PRSS50: variants seen among roughly 807,000 people sequenced by gnomAD.
PRSS50 encodes the protein probable threonine protease PRSS50.
Under a neutral mutation model 34.2 loss-of-function variants are expected in PRSS50, and 23 were observed. The observed-to-expected ratio is 0.67, with a 90% CI of 0.48 to 0.95. The LOEUF (loss-of-function observed/expected upper bound fraction) is 0.95. PRSS50 is among the 40% of genes least tolerant of loss of function. The pLI is 0.00. For missense variants in PRSS50, 484 were observed against 513.4 expected (o/e 0.94, Z 0.55); for synonymous variants, 224 against 211.2 (o/e 1.06, Z -0.53).
Position 46,712,203 on chromosome 3 carries a change from A to G in PRSS50, c.*43T>C. ...CAGCTGCACCCACAGCAACCTGGGC[A>G]CGGAGGCAAGGGGGGCCCACAAGTG... On this transcript the variant is annotated 3_prime_UTR_variant, in exon 6 of 6. Transcript: ENST00000315170. The G allele has an allele frequency of 2.0e-6, 3 of 1,519,576 alleles. No homozygotes were observed. Among genetic ancestry groups the G allele is most frequent in the Non-Finnish European group, 2.7e-6 (3 of 1,110,392 alleles). The allele number at this position is 1,519,576 out of a possible 1,614,324, so 94.1% of individuals were successfully genotyped here.
chr3:46,715,628 C>G lies in PRSS50; in HGVS notation c.377G>C (p.Trp126Ser). 1.2e-6 allele frequency: 2 copies of G among 1,612,070 alleles called. No individual in the cohort carries two copies. The highest frequency in any genetic ancestry group is 1.7e-6 in the Non-Finnish European group (2 of 1,179,484). Residue 126 changes from tryptophan (W) to serine (S), a missense_variant, in exon 3 of 6, where the codon TGG becomes TCG. Transcript: ENST00000315170. The surrounding 1 kb of genome is among the most constrained non-coding windows in gnomAD (Gnocchi z 5.2). The stretch of plus-strand genomic sequence containing the variant: ...GCCATTGGCCCGCACGCTGACCATC[C>G]AGGGCCACCGCCGAGCCACGGCTTC... ...DPEAVARRWP[W>S]MVSVRANGTH...
In PRSS50 at chr3:46,717,694, G is replaced by C. The variant is rs748437953; in HGVS notation, c.106+25C>G. On this transcript the variant is annotated intron_variant, in intron 1 of 5. Transcript: ENST00000315170. This position sits in a 1 kb window ranked among gnomAD's most constrained non-coding sequence, Gnocchi z 4.5. ...AAGGCGAGGGCCGCGTCAGGCGGGTGGGGTAGGGATCGGGAGGGACTCACC... is the reference window on the plus strand; with the variant it reads ...AAGGCGAGGGCCGCGTCAGGCGGGTCGGGTAGGGATCGGGAGGGACTCACC... 2 of 1,598,798 alleles carry C rather than the reference G, an allele frequency of 1.3e-6. No homozygotes were observed. Among genetic ancestry groups the C allele is most frequent in the Non-Finnish European group, 1.7e-6 (2 of 1,173,082 alleles).
rs1462182959 is a variant in PRSS50 at position 46,715,513 on chromosome 3, C to T, written c.470+22G>A. On this transcript the variant is annotated intron_variant, in intron 3 of 5. Coordinates refer to ENST00000315170, the MANE Select transcript of PRSS50 (RefSeq NM_013270.5). This position sits in a 1 kb window ranked among gnomAD's most constrained non-coding sequence, Gnocchi z 5.2. ...GCAGCTCCAAATACCTCTCCACCCACCCCACCTCAGCCTTGACTCACCAGA... is the reference window on the plus strand; with the variant it reads ...GCAGCTCCAAATACCTCTCCACCCATCCCACCTCAGCCTTGACTCACCAGA... The T allele has an allele frequency of 9.4e-6, 15 of 1,600,462 alleles. No individual in the cohort carries two copies. Among genetic ancestry groups the T allele is most frequent in the Non-Finnish European group, 1.1e-5 (13 of 1,169,134 alleles).
Position 46,717,623 on chromosome 3 carries a change from C to G in PRSS50, c.121G>C (p.Gly41Arg). 6.2e-7 allele frequency: 1 copy of G among 1,612,982 alleles called. No homozygotes were observed. The highest frequency in any genetic ancestry group is 8.5e-7 in the Non-Finnish European group (1 of 1,179,620). ...LLRSAGCWGA[G>R]EAPGALSTAD... ...GTGGACAGCGCCCCCGGGGCTTCCC[C>G]TGCGCCCCAGCAACCTGCGGAGGAC... The change falls in exon 2 of 6, where the codon GGG becomes CGG. Residue 41 changes from glycine to arginine, a missense_variant. Coordinates refer to ENST00000315170, the MANE Select transcript of PRSS50 (RefSeq NM_013270.5). This position sits in a 1 kb window ranked among gnomAD's most constrained non-coding sequence, Gnocchi z 4.5.
At chr3:46,714,175 T>C (rs1354201619) in intron 4 of PRSS50, 43 bp downstream of exon 4, 2 of 1,591,572 alleles carry the variant, frequency 1.3e-6, no homozygotes, top group African/African-American at 1.3e-5. Flanking sequence ...ACCCACGTCC[T>C]TTCTCACAGC....
chr3:46,714,366 G>A lies in PRSS50; in HGVS notation c.606C>T (p.Gly202=). ...TGAGGAGGCCGATGTCGTTGGCCTG[G>A]CCCACCCAGGACCAGAACCGCTGGG... is the stretch of plus-strand genomic sequence containing the variant. ...YRAQRFWSWV[G]QANDIGLLKL... is the part of the protein sequence containing the mutation. Residue 202 remains glycine, a synonymous_variant, in exon 4 of 6, where the codon GGC becomes GGT. Transcript: ENST00000315170. The A allele has an allele frequency of 1.2e-6, 2 of 1,613,906 alleles. No homozygotes were observed. Among genetic ancestry groups the A allele is most frequent in the Non-Finnish European group, 1.7e-6 (2 of 1,179,972 alleles).
chr3:46,713,050 G>A lies in PRSS50; in HGVS notation c.772C>T (p.Arg258Trp), dbSNP rs770738835. The stretch of plus-strand genomic sequence containing the variant: ...ATGACTTCCTTCTCCTGAATGGTCC[G>A]GAACTGAGGCCACATGCCTGTGGGA... ...SKADGMWPQF[R>W]TIQEKEVIIL... The change falls in exon 5 of 6, where the codon CGG becomes TGG. Residue 258 changes from arginine to tryptophan, a missense_variant. Arg to Trp is a moderately radical substitution (Grantham distance 101, BLOSUM62 -3). Coordinates refer to ENST00000315170, the MANE Select transcript of PRSS50 (RefSeq NM_013270.5). The A allele has an allele frequency of 4.8e-5, 77 of 1,613,926 alleles. No individual in the cohort carries two copies. Among genetic ancestry groups the A allele is most frequent in the Non-Finnish European group, 6.2e-5 (73 of 1,179,966 alleles).
chr3:46,714,105 G>A (rs935403836), intron 4 of PRSS50, 113 bp downstream of exon 4: 15 of 1,363,308 alleles, frequency 1.1e-5, no homozygotes, highest in South Asian at 5.7e-5. Flanking sequence ...TCCCGGGAGC[G>A]GCAGGCTCCC....
At position 46,715,406 on chromosome 3, in the gene PRSS50, C is replaced by T; in HGVS notation, c.470+129G>A. On this transcript the variant is annotated intron_variant, in intron 3 of 5. Transcript: ENST00000315170. This position sits in a 1 kb window ranked among gnomAD's most constrained non-coding sequence, Gnocchi z 5.2. ...GAAGGAATTTTCAGGACTCAGCCTCCACCTGCTTGGAGCCCAGATGAGGCT... is the reference window on the plus strand; with the variant it reads ...GAAGGAATTTTCAGGACTCAGCCTCTACCTGCTTGGAGCCCAGATGAGGCT... The T allele has an allele frequency of 2.4e-6, 3 of 1,252,042 alleles. No homozygotes were observed. The highest frequency in any genetic ancestry group is 5.1e-5 in the East Asian group (2 of 39,408). The allele number at this position is 1,252,042 out of a possible 1,614,324, so 77.6% of individuals were successfully genotyped here. A position where few individuals can be genotyped will look rare whatever the true frequency, so the allele number is the denominator to read the frequency against.
rs757545313 is a variant in PRSS50 at position 46,714,434 on chromosome 3, C to G, written c.538G>C (p.Asp180His). The G allele has an allele frequency of 1.1e-5, 17 of 1,611,358 alleles. No homozygotes were observed. Among genetic ancestry groups the G allele is most frequent in the East Asian group, 2.2e-5 (1 of 44,796 alleles). ...ATGATGACCTGGAGCACCGGGACAT[C>G]GGAGGCGGTCTGCGTCATCTGGTCA... The part of the protein sequence containing the change: ...WIDQMTQTAS[D>H]VPVLQVIMHS... Residue 180 changes from aspartate (D) to histidine (H), a missense_variant, in exon 4 of 6, where the codon GAT becomes CAT. By Grantham distance (81) the Asp-to-His change is moderately conservative (BLOSUM62 -1). Transcript: ENST00000315170.
At chr3:46,712,569 C>T in intron 5 of PRSS50, 87 bp from the exon 6 acceptor site, 4 of 1,219,046 alleles carry the variant, frequency 3.3e-6, no homozygotes, top group Non-Finnish European at 4.8e-6. Context: ...GATGTCCTCA[C>T]ACCACACCTC....
In PRSS50 at chr3:46,715,643, GCCACGGCTTCTGGGT is replaced by G; in HGVS notation, c.347_361del (p.Asp116_Val120del). 1 of 1,612,298 alleles carries G rather than the reference GCCACGGCTTCTGGGT, an allele frequency of 6.2e-7. No individual in the cohort carries two copies. The highest frequency in any genetic ancestry group is 1.7e-5 in the Admixed American group (1 of 59,906). On this transcript the variant is annotated inframe_deletion, in exon 3 of 6. Coordinates refer to ENST00000315170, the MANE Select transcript of PRSS50 (RefSeq NM_013270.5). This position sits in a 1 kb window ranked among gnomAD's most constrained non-coding sequence, Gnocchi z 5.2. The stretch of plus-strand genomic sequence containing the variant: ...GCTGACCATCCAGGGCCACCGCCGA[GCCACGGCTTCTGGGT>G]CCCTGAGGGTGGGGTCCTGCTCGTA...
chr3:46,712,816 C>CAA, intron 5 of PRSS50, 85 bp downstream of exon 5: 1 of 1,491,560 alleles, frequency 6.7e-7, no homozygotes, highest in East Asian at 2.3e-5. Context: ...TTCCCCTACC[C>CAA]AACCTCCACC....
In PRSS50 at chr3:46,712,980, G is replaced by A. The variant is rs150941830; in HGVS notation, c.842C>T (p.Thr281Ile). 3.7e-6 allele frequency: 6 copies of A among 1,614,168 alleles called. No homozygotes were observed. The South Asian group carries it at 5.5e-5, about 15-fold the overall frequency. ...KECDNFYHNF[T>I]KIPTLVQIIK... ...GATCTGAACCAGAGTGGGGATTTTG[G>A]TGAAGTTGTGGTAGAAATTGTCACA... The change falls in exon 5 of 6, where the codon ACC becomes ATC. Residue 281 changes from threonine to isoleucine, a missense_variant. Coordinates refer to ENST00000315170, the MANE Select transcript of PRSS50 (RefSeq NM_013270.5).
chr3:46,712,218 G>T lies in PRSS50; in HGVS notation c.*28C>A. On this transcript the variant is annotated 3_prime_UTR_variant, in exon 6 of 6. Transcript: ENST00000315170. ...CAACCTGGGCACGGAGGCAAGGGGG[G>T]CCCACAAGTGAGGGAGGGCACACAG... 2 of 1,573,522 alleles carry T rather than the reference G, an allele frequency of 1.3e-6. No homozygotes were observed. The highest frequency in any genetic ancestry group is 1.7e-6 in the Non-Finnish European group (2 of 1,152,984).
intron 3 of PRSS50, 65 bp from the exon 4 acceptor site, chr3:46,714,566 G>T: frequency 6.8e-7 from 1 of 1,471,280 alleles, no homozygotes; most frequent in Non-Finnish European, 9.0e-7. Flanking sequence ...TCCAGCCTGG[G>T]CCTTCCCCCA....
intron 5 of PRSS50, 147 bp from the exon 6 acceptor site, chr3:46,712,629 C>T: frequency 3.7e-6 from 3 of 819,088 alleles, no homozygotes; most frequent in South Asian, 3.5e-5. Context: ...GACCCAGGAG[C>T]TCTTCCTCAA....
At chr3:46,714,720 G>A (rs1484857222) in intron 3 of PRSS50, among the ~76,000 whole-genome samples, 1 of 152,174 alleles carries the variant, frequency 6.6e-6, no homozygotes, top group African/African-American at 2.4e-5. Context: ...TATGGAGGGG[G>A]AAACTGAGGC....
At chr3:46,714,117 G>T in intron 4 of PRSS50, 101 bp downstream of exon 4, 1 of 1,449,030 alleles carries the variant, frequency 6.9e-7, no homozygotes, top group East Asian at 2.4e-5. Context: ...CAGGCTCCCT[G>T]GGGAAGGTGC....
Sources: gnomAD v4.1 joint callset for allele counts (sites outside exome capture counted in the v4.1 genomes callset) on GRCh38, gnomAD v4.1.1 for gene constraint, Gnocchi (gnomAD v3.1) non-coding constraint, MANE v1.5 for transcripts, NCBI Gene and HGNC (gene_info 2026-07-23, HGNC 2026-07-21) for gene names.